Variants in CSGALNACT1 observed in about 807,000 individuals in gnomAD.
CSGALNACT1 encodes the protein beta4GalNAcT-1.
A neutral mutation model predicts 51.0 loss-of-function variants in CSGALNACT1; 52 were observed. The ratio of observed to expected loss-of-function variants is 1.02; its 90% confidence interval spans 0.82 to 1.29. CSGALNACT1 has a LOEUF of 1.29. CSGALNACT1 is among the 50% of genes most tolerant of loss of function. The probability of loss-of-function intolerance (pLI) is 0.00; values close to 1 mark genes in which losing one functional copy is unlikely to be tolerated. For synonymous variants in CSGALNACT1, 341 were observed against 254.4 expected, an observed-to-expected ratio of 1.34 and a Z score of -3.24; for missense variants, 935 against 679.2, an observed-to-expected ratio of 1.38 and a Z score of -4.19.
chr8:19,706,080 A>G (rs1418967157), intron 1 of CSGALNACT1, among the ~76,000 whole-genome samples: 1 of 152,204 alleles, frequency 6.6e-6, no homozygotes, highest in Non-Finnish European at 1.5e-5. Context: ...ATAAAAACTA[A>G]AATAGATTTC....
At chr8:19,481,699 T>C (rs1438008752) in intron 4 of CSGALNACT1, among the ~76,000 whole-genome samples, 1 of 152,116 alleles carries the variant, frequency 6.6e-6, no homozygotes, top group Non-Finnish European at 1.5e-5. Flanking sequence ...CCTCCCTCTC[T>C]GGCTTTTCTA....
At chr8:19,719,206 G>A (rs1264439878) in intron 1 of CSGALNACT1, among the ~76,000 whole-genome samples, 1 of 152,008 alleles carries the variant, frequency 6.6e-6, no homozygotes, top group East Asian at 1.9e-4. Flanking sequence ...GTTTTCTCTT[G>A]GACTCATTTG....
At chr8:19,656,311 CA>C (rs2058266892) in intron 1 of CSGALNACT1, among the ~76,000 whole-genome samples, 1 of 152,162 alleles carries the variant, frequency 6.6e-6, no homozygotes, top group African/African-American at 2.4e-5. Flanking sequence ...AGTCTGGAAT[CA>C]AAACCTAGCC....
chr8:19,629,610 G>A (rs2054935117), intron 1 of CSGALNACT1, among the ~76,000 whole-genome samples: 1 of 152,140 alleles, frequency 6.6e-6, no homozygotes, highest in Admixed American at 6.5e-5. Flanking sequence ...GGAGATTTGT[G>A]GACTTTGACA....
intron 8 of CSGALNACT1, among the ~76,000 whole-genome samples, chr8:19,415,002 T>C (rs531016606): frequency 6.6e-6 from 1 of 152,228 alleles, no homozygotes; most frequent in Non-Finnish European, 1.5e-5. Flanking sequence ...TTACTTTCTA[T>C]AGTTTCAAGT....
chr8:19,411,660 G>A (rs1462051129), intron 8 of CSGALNACT1, among the ~76,000 whole-genome samples: 1 of 152,130 alleles, frequency 6.6e-6, no homozygotes, highest in Admixed American at 6.5e-5. Flanking sequence ...TAGAAACTTT[G>A]CTGCAAGTGT....
intron 5 of CSGALNACT1, among the ~76,000 whole-genome samples, chr8:19,451,807 T>C (rs1041813000): frequency 3.9e-5 from 6 of 152,202 alleles, no homozygotes; most frequent in Admixed American, 3.9e-4. Context: ...TGGAAAAACC[T>C]GCCCCTGATA....
At chr8:19,481,698 C>T (rs925949116) in intron 4 of CSGALNACT1, among the ~76,000 whole-genome samples, 1 of 152,180 alleles carries the variant, frequency 6.6e-6, no homozygotes, top group African/African-American at 2.4e-5. Context: ...GCCTCCCTCT[C>T]TGGCTTTTCT....
At chr8:19,504,123 C>G (rs1255707622) in intron 4 of CSGALNACT1, among the ~76,000 whole-genome samples, 3 of 152,214 alleles carry the variant, frequency 2.0e-5, no homozygotes, top group Non-Finnish European at 4.4e-5. Context: ...GTCACCCAGG[C>G]TGGAGTGCAG....
intron 3 of CSGALNACT1, among the ~76,000 whole-genome samples, chr8:19,544,262 A>G (rs1180514294): frequency 1.2e-4 from 18 of 152,210 alleles, no homozygotes; most frequent in Admixed American, 1.1e-3. Context: ...ACCACCACTG[A>G]GACCACAGTT....
At chr8:19,478,178 G>A (rs1332301126) in intron 4 of CSGALNACT1, among the ~76,000 whole-genome samples, 1 of 152,126 alleles carries the variant, frequency 6.6e-6, no homozygotes. Context: ...ACTTTGGGAG[G>A]CCAAGGCGGG....
chr8:19,447,003 C>T (rs1386098929), intron 5 of CSGALNACT1, among the ~76,000 whole-genome samples: 1 of 152,204 alleles, frequency 6.6e-6, no homozygotes, highest in East Asian at 1.9e-4. Context: ...ATCACAGTCA[C>T]TTAGACACCT....
intron 2 of CSGALNACT1, among the ~76,000 whole-genome samples, chr8:19,592,907 G>C (rs938808419): frequency 6.6e-6 from 1 of 152,140 alleles, no homozygotes; most frequent in Non-Finnish European, 1.5e-5. Flanking sequence ...CACTACAGTG[G>C]TTCAAATTAC....
At chr8:19,499,390 C>A (rs1474657978) in intron 4 of CSGALNACT1, among the ~76,000 whole-genome samples, 2 of 152,182 alleles carry the variant, frequency 1.3e-5, no homozygotes, top group African/African-American at 2.4e-5. Flanking sequence ...GGGCCTAACA[C>A]AGTTCTTGGA....
At chr8:19,665,690 T>TGTAC (rs1415129001) in intron 1 of CSGALNACT1, among the ~76,000 whole-genome samples, 1 of 152,142 alleles carries the variant, frequency 6.6e-6, no homozygotes, top group Non-Finnish European at 1.5e-5. Context: ...AAGATGAACT[T>TGTAC]GTACCCTAGG....
chr8:19,704,452 G>C (rs572419486), intron 1 of CSGALNACT1, among the ~76,000 whole-genome samples: 3 of 152,322 alleles, frequency 2.0e-5, no homozygotes, highest in Admixed American at 6.5e-5. Flanking sequence ...TTGGAGAAAA[G>C]GGAATCCATA....
chr8:19,480,324 T>C (rs1213522853), intron 4 of CSGALNACT1, among the ~76,000 whole-genome samples: 3 of 152,170 alleles, frequency 2.0e-5, no homozygotes, highest in Non-Finnish European at 4.4e-5. Context: ...TCCATGTGTT[T>C]TCATCATTTA....
At chr8:19,485,509 T>C (rs2072656376) in intron 4 of CSGALNACT1, among the ~76,000 whole-genome samples, 1 of 152,074 alleles carries the variant, frequency 6.6e-6, no homozygotes, top group Non-Finnish European at 1.5e-5. Context: ...GACACCCCTG[T>C]TGATGTTAAC....
intron 1 of CSGALNACT1, among the ~76,000 whole-genome samples, chr8:19,655,296 C>T (rs1284428592): frequency 1.3e-5 from 2 of 152,136 alleles, no homozygotes; most frequent in African/African-American, 4.8e-5. Context: ...CAAGAGAAGG[C>T]TCTTACCCAC....
Sources: allele counts gnomAD v4.1 joint callset (sites outside exome capture counted in the v4.1 genomes callset), GRCh38; gene constraint gnomAD v4.1.1; transcripts MANE v1.5; gene names NCBI Gene and HGNC (gene_info 2026-07-23, HGNC 2026-07-21).